CSMD1: variants seen among roughly 807,000 people sequenced by gnomAD.
CSMD1 encodes the protein CUB and sushi domain-containing protein 1.
Under a neutral mutation model 417.5 loss-of-function variants are expected in CSMD1, and 213 were observed. The ratio of observed to expected loss-of-function variants is 0.51; its 90% confidence interval spans 0.46 to 0.57. The LOEUF is 0.57. CSMD1 is among the 20% of genes least tolerant of loss of function. The pLI, the probability that CSMD1 is intolerant of heterozygous loss-of-function variation, is 0.00. For synonymous variants in CSMD1, 2,862 were observed against 1,736.8 expected (o/e 1.65, Z -16.11); for missense variants, 6,923 against 4,529.7 (o/e 1.53, Z -15.17).
Position 4,702,364 on chromosome 8 carries a change from C to G in CSMD1, c.86-64806G>C, listed in dbSNP as rs191061214. On this transcript the variant is annotated intron_variant, in intron 1 of 69. Transcript: ENST00000635120. ...TTTGCTAAACTGACCCTCCTGCTCTCCGAAGTAGCAATTCCAAGAATTGAC... is the reference window on the plus strand; with the variant it reads ...TTTGCTAAACTGACCCTCCTGCTCTGCGAAGTAGCAATTCCAAGAATTGAC... Among the ~76,000 whole-genome samples, 463 of 152,294 alleles carry G rather than the reference C, an allele frequency of 3.0e-3. 2 individuals are homozygous for G. Among genetic ancestry groups the G allele is most frequent in the African/African-American group, 0.011 (444 of 41,568 alleles).
rs942448675 is a variant in CSMD1, at chr8:3,468,875, G to A, written c.1449-51C>T. The A allele has an allele frequency of 1.4e-5, 17 of 1,205,586 alleles. 1 individual carries two copies. The South Asian group carries it at 2.2e-4, about 16-fold the overall frequency. The allele number at this position is 1,205,586 out of a possible 1,614,324, so 74.7% of individuals were successfully genotyped here. On this transcript the variant is annotated intron_variant, in intron 11 of 69. Transcript: ENST00000635120. ...TTTTAGGTAAGGCAACAAGTACATCGACTTCCACCTGAAAGGAGGGTCTTG... is the reference window on the plus strand; with the variant it reads ...TTTTAGGTAAGGCAACAAGTACATCAACTTCCACCTGAAAGGAGGGTCTTG...
At chr8:4,677,469 T>A (rs1361393697) in intron 1 of CSMD1, among the ~76,000 whole-genome samples, 3 of 152,154 alleles carry the variant, frequency 2.0e-5, no homozygotes, top group Admixed American at 6.5e-5. Flanking sequence ...ACAATTTATA[T>A]AGTTATTCTC....
intron 26 of CSMD1, among the ~76,000 whole-genome samples, chr8:3,271,590 G>C (rs1040495233): frequency 2.6e-5 from 4 of 151,992 alleles, no homozygotes; most frequent in African/African-American, 9.7e-5. Flanking sequence ...TCCAGCACCT[G>C]TTGTTTCCTC....
chr8:3,668,575 G>A (rs7822379), intron 7 of CSMD1, among the ~76,000 whole-genome samples: 4,636 of 152,158 alleles, frequency 0.03, 105 homozygotes, highest in Non-Finnish European at 0.047. Context: ...GATCAAGCCT[G>A]GTCCTTACTA....
intron 5 of CSMD1, among the ~76,000 whole-genome samples, chr8:3,984,768 CGTGT>C (rs370317456): frequency 2.6e-5 from 2 of 78,296 alleles, no homozygotes; most frequent in African/African-American, 4.6e-5. Flanking sequence ...TGTATTTGTG[CGTGT>C]GTGTGTGTGT....
chr8:3,249,434 G>C (rs1417484646), intron 26 of CSMD1, among the ~76,000 whole-genome samples: 1 of 152,132 alleles, frequency 6.6e-6, no homozygotes, highest in Non-Finnish European at 1.5e-5. Context: ...ATGTTGGCCA[G>C]GCTGGCCTTG....
intron 2 of CSMD1, among the ~76,000 whole-genome samples, chr8:4,504,923 A>T (rs974794774): frequency 5.3e-5 from 8 of 152,156 alleles, no homozygotes; most frequent in African/African-American, 1.9e-4. Flanking sequence ...TGTTATTGTA[A>T]ACAGTGCTGC....
At chr8:3,452,385 G>C (rs564213281) in intron 12 of CSMD1, among the ~76,000 whole-genome samples, 40 of 152,300 alleles carry the variant, frequency 2.6e-4, no homozygotes, top group Middle Eastern at 3.4e-3. Flanking sequence ...GGGCACTCCT[G>C]TCTTGTGCCA....
intron 3 of CSMD1, among the ~76,000 whole-genome samples, chr8:4,041,796 C>A (rs933726317): frequency 6.6e-6 from 1 of 151,906 alleles, no homozygotes; most frequent in African/African-American, 2.4e-5. Context: ...TATTAAAAAA[C>A]AAACAAACAT....
At chr8:4,077,883 T>G (rs888702612) in intron 3 of CSMD1, among the ~76,000 whole-genome samples, 2 of 152,132 alleles carry the variant, frequency 1.3e-5, no homozygotes, top group African/African-American at 2.4e-5. Flanking sequence ...TTGTAATTGA[T>G]GCCCAATATA....
chr8:4,527,822 G>C (rs1796597983), intron 2 of CSMD1, among the ~76,000 whole-genome samples: 1 of 152,208 alleles, frequency 6.6e-6, no homozygotes, highest in Admixed American at 6.5e-5. Context: ...AAGTTAGAAA[G>C]ATTAAGTTTT....
At chr8:3,027,645 C>T (rs186187301) in intron 51 of CSMD1, among the ~76,000 whole-genome samples, 31 of 152,270 alleles carry the variant, frequency 2.0e-4, no homozygotes, top group Non-Finnish European at 4.4e-4. Flanking sequence ...AGGCAGCTGA[C>T]AATTTAGAAA....
chr8:3,502,700 G>A (rs751171328), intron 10 of CSMD1, among the ~76,000 whole-genome samples: 1 of 152,182 alleles, frequency 6.6e-6, no homozygotes, highest in African/African-American at 2.4e-5. Context: ...GATTGTTAGG[G>A]GTTAGAAGAG....
chr8:3,807,644 G>T (rs1800822745), intron 5 of CSMD1, among the ~76,000 whole-genome samples: 1 of 152,160 alleles, frequency 6.6e-6, no homozygotes, highest in African/African-American at 2.4e-5. Context: ...AGTAAACACT[G>T]GGAAGTTTTC....
At chr8:4,246,433 C>G (rs555900985) in intron 3 of CSMD1, among the ~76,000 whole-genome samples, 1 of 152,158 alleles carries the variant, frequency 6.6e-6, no homozygotes, top group East Asian at 1.9e-4. Context: ...AGAAAGGGCA[C>G]TCCATTTTCT....
chr8:3,096,446 C>G (rs906838143), intron 47 of CSMD1, among the ~76,000 whole-genome samples: 3 of 152,126 alleles, frequency 2.0e-5, no homozygotes, highest in African/African-American at 7.2e-5. Flanking sequence ...AGTTCTCTCT[C>G]ATGTGCGTGC....
chr8:4,727,784 TA>T (rs1190980799), intron 1 of CSMD1, among the ~76,000 whole-genome samples: 1 of 151,646 alleles, frequency 6.6e-6, no homozygotes, highest in Non-Finnish European at 1.5e-5. Context: ...TTCCAGGTGC[TA>T]AATTTGGAAT....
chr8:4,899,284 A>T (rs1180569899), intron 1 of CSMD1, among the ~76,000 whole-genome samples: 1 of 152,204 alleles, frequency 6.6e-6, no homozygotes, highest in Admixed American at 6.5e-5. Flanking sequence ...TATAAGCAAA[A>T]CATAACATTA....
intron 10 of CSMD1, among the ~76,000 whole-genome samples, chr8:3,563,277 C>A (rs554040989): frequency 1.3e-5 from 2 of 151,934 alleles, no homozygotes; most frequent in Non-Finnish European, 1.5e-5. Context: ...CACACTCCTT[C>A]CCAGTTATCT....
Sources: allele counts gnomAD v4.1 joint callset (sites outside exome capture counted in the v4.1 genomes callset), GRCh38; gene constraint gnomAD v4.1.1; transcripts MANE v1.5; gene names NCBI Gene and HGNC (gene_info 2026-07-23, HGNC 2026-07-21).